DGKI: variants seen among roughly 807,000 people sequenced by gnomAD.
DGKI encodes DAG kinase iota.
Under a neutral mutation model 147.5 loss-of-function variants are expected in DGKI, and 55 were observed. That is an observed-to-expected ratio of 0.37 (90% CI 0.30 to 0.47). DGKI has a LOEUF of 0.47. Among genes scored for constraint, DGKI ranks in the 20% least tolerant of loss-of-function variants. The pLI, the probability that DGKI is intolerant of heterozygous loss-of-function variation, is 1.00. For missense variants in DGKI, 1,007 were observed against 1,323.8 expected (o/e 0.76, Z 3.71); for synonymous variants, 469 against 477.1 (o/e 0.98, Z 0.22).
intron 19 of DGKI, among the ~76,000 whole-genome samples, chr7:137,565,495 T>C (rs1818553477): frequency 6.6e-6 from 1 of 152,174 alleles, no homozygotes; most frequent in Non-Finnish European, 1.5e-5. Context: ...TCCATGTCCT[T>C]TTTACTCACT....
At chr7:137,493,767 C>T (rs2128939028) in intron 21 of DGKI, 1 of 701,922 alleles carries the variant, frequency 1.4e-6, no homozygotes, top group Admixed American at 2.0e-5. Context: ...CTCAAAAAGC[C>T]AGAGAGTCTT....
chr7:137,751,705 T>G (rs1371907425), intron 1 of DGKI, among the ~76,000 whole-genome samples: 1 of 152,180 alleles, frequency 6.6e-6, no homozygotes, highest in African/African-American at 2.4e-5. Context: ...ATTTTAAGCT[T>G]TGTTGGCCAG....
At chr7:137,481,799 G>A (rs1441657136) in intron 23 of DGKI, among the ~76,000 whole-genome samples, 1 of 151,898 alleles carries the variant, frequency 6.6e-6, no homozygotes, top group Non-Finnish European at 1.5e-5. Flanking sequence ...AGATTTTTCT[G>A]GTCTTAGAAA....
At chr7:137,818,443 T>C (rs1301058620) in intron 1 of DGKI, among the ~76,000 whole-genome samples, 1 of 152,202 alleles carries the variant, frequency 6.6e-6, no homozygotes, top group East Asian at 1.9e-4. Flanking sequence ...TGTTTGTTTC[T>C]TGAGACGGAG....
At chr7:137,623,417 A>T in intron 7 of DGKI, 66 bp downstream of exon 7, 4 of 1,463,510 alleles carry the variant, frequency 2.7e-6, no homozygotes, top group Non-Finnish European at 3.8e-6. Context: ...GAGAAACTCA[A>T]ATAATGACAC....
intron 2 of DGKI, among the ~76,000 whole-genome samples, chr7:137,681,940 CA>C (rs1823251500): frequency 6.6e-6 from 1 of 152,264 alleles, no homozygotes; most frequent in Admixed American, 6.5e-5. Flanking sequence ...GACCAACCCC[CA>C]CTTAAAACTC....
intron 1 of DGKI, among the ~76,000 whole-genome samples, chr7:137,709,546 C>T (rs1205135851): frequency 3.3e-5 from 5 of 152,140 alleles, no homozygotes; most frequent in South Asian, 2.1e-4. Context: ...TACATGCCTT[C>T]GTTCTCTAGG....
At chr7:137,471,080 G>A (rs906440616) in intron 23 of DGKI, among the ~76,000 whole-genome samples, 4 of 152,206 alleles carry the variant, frequency 2.6e-5, no homozygotes, top group Non-Finnish European at 4.4e-5. Flanking sequence ...TCTACTAAGA[G>A]AAGCCTGCCA....
chr7:137,423,467 G>C (rs1029245786), intron 28 of DGKI, among the ~76,000 whole-genome samples: 3 of 152,210 alleles, frequency 2.0e-5, no homozygotes, highest in African/African-American at 7.2e-5. Flanking sequence ...TGTGGCCTGA[G>C]AGTAATGGAT....
intron 1 of DGKI, among the ~76,000 whole-genome samples, chr7:137,754,075 G>A (rs1795601970): frequency 6.6e-6 from 1 of 152,100 alleles, no homozygotes; most frequent in Admixed American, 6.5e-5. Flanking sequence ...GAATCCAAGA[G>A]GGGTCATGGG....
chr7:137,760,503 C>A (rs1795825178), intron 1 of DGKI, among the ~76,000 whole-genome samples: 1 of 152,156 alleles, frequency 6.6e-6, no homozygotes, highest in South Asian at 2.1e-4. Flanking sequence ...AATCACTGTT[C>A]CTTCCCCCTA....
At chr7:137,628,497 G>A (rs1821020684) in intron 6 of DGKI, among the ~76,000 whole-genome samples, 1 of 152,158 alleles carries the variant, frequency 6.6e-6, no homozygotes, top group Non-Finnish European at 1.5e-5. Flanking sequence ...ACTCTGGCCA[G>A]GCTCTCAGCA....
At chr7:137,416,442 G>A (rs1330845180) in intron 28 of DGKI, among the ~76,000 whole-genome samples, 1 of 152,170 alleles carries the variant, frequency 6.6e-6, no homozygotes, top group Non-Finnish European at 1.5e-5. Flanking sequence ...GTAAGTCATG[G>A]TGTCTGAGGG....
intron 2 of DGKI, among the ~76,000 whole-genome samples, chr7:137,686,405 C>G (rs937776858): frequency 1.3e-5 from 2 of 152,132 alleles, no homozygotes; most frequent in Admixed American, 1.3e-4. Flanking sequence ...AGGTTCTATC[C>G]CTGACATGCA....
At chr7:137,544,546 AAAT>A (rs1224507099) in intron 20 of DGKI, among the ~76,000 whole-genome samples, 1 of 152,232 alleles carries the variant, frequency 6.6e-6, no homozygotes, top group African/African-American at 2.4e-5. Flanking sequence ...TACATATTTT[AAAT>A]AATAAGTAAA....
At chr7:137,540,715 A>G (rs1490267336) in intron 20 of DGKI, among the ~76,000 whole-genome samples, 1 of 140,356 alleles carries the variant, frequency 7.1e-6, no homozygotes, top group African/African-American at 2.7e-5. Flanking sequence ...TAGTATTTCT[A>G]TATACTAACA....
intron 20 of DGKI, among the ~76,000 whole-genome samples, chr7:137,546,429 AG>A (rs2128963510): frequency 6.6e-6 from 1 of 152,352 alleles, no homozygotes; most frequent in South Asian, 2.1e-4. Flanking sequence ...CAGGCTTTAT[AG>A]GAACACTCAC....
intron 19 of DGKI, among the ~76,000 whole-genome samples, chr7:137,555,409 C>T (rs1300784399): frequency 2.0e-5 from 3 of 151,660 alleles, no homozygotes; most frequent in African/African-American, 7.3e-5. Flanking sequence ...GCCTGTAGTC[C>T]CAGCTAGTTG....
intron 24 of DGKI, among the ~76,000 whole-genome samples, chr7:137,467,857 C>T (rs1200367129): frequency 2.6e-5 from 4 of 151,434 alleles, no homozygotes; most frequent in Non-Finnish European, 4.4e-5. Context: ...AGTGGTGTGC[C>T]CCTGTGGTCC....
Sources: allele counts gnomAD v4.1 joint callset (sites outside exome capture counted in the v4.1 genomes callset), GRCh38; gene constraint gnomAD v4.1.1; transcripts MANE v1.5; gene names NCBI Gene and HGNC (gene_info 2026-07-23, HGNC 2026-07-21).